The following CADM2 variants were observed in gnomAD, a reference collection of about 807,000 sequenced individuals.
CADM2 encodes cell adhesion molecule 2.
Under a neutral mutation model 49.8 loss-of-function variants are expected in CADM2, and 12 were observed. That is an observed-to-expected ratio of 0.24 (90% CI 0.15 to 0.39). The LOEUF (loss-of-function observed/expected upper bound fraction) is 0.39. Ranked by LOEUF, CADM2 falls within the 10% of genes least tolerant of loss-of-function variation. The pLI, the probability that CADM2 is intolerant of heterozygous loss-of-function variation, is 1.00. For synonymous variants in CADM2, 214 were observed against 175.4 expected (o/e 1.22, Z -1.74); for missense variants, 378 against 492.3 (o/e 0.77, Z 2.20).
intron 5 of CADM2, among the ~76,000 whole-genome samples, chr3:85,898,613 C>T (rs1314078977): frequency 2.0e-5 from 3 of 150,064 alleles, no homozygotes; most frequent in East Asian, 3.9e-4. Flanking sequence ...ATTTGAGACT[C>T]ATTCATGTTG....
intron 1 of CADM2, among the ~76,000 whole-genome samples, chr3:85,323,195 T>C (rs1249104664): frequency 6.6e-6 from 1 of 152,198 alleles, no homozygotes; most frequent in South Asian, 2.1e-4. Flanking sequence ...ATGCAATCTC[T>C]ACCTGGACTC....
chr3:85,266,065 G>A (rs2043115774), intron 1 of CADM2, among the ~76,000 whole-genome samples: 1 of 151,868 alleles, frequency 6.6e-6, no homozygotes, highest in Non-Finnish European at 1.5e-5. Flanking sequence ...TGGAAAAATA[G>A]TAAGCTGACT....
intron 5 of CADM2, among the ~76,000 whole-genome samples, chr3:85,900,002 T>C (rs1169984000): frequency 6.6e-6 from 1 of 152,160 alleles, no homozygotes; most frequent in African/African-American, 2.4e-5. Context: ...GGCTCCCAGC[T>C]TCATCACCTT....
At chr3:85,527,583 C>G (rs1457052310) in intron 1 of CADM2, among the ~76,000 whole-genome samples, 3 of 123,784 alleles carry the variant, frequency 2.4e-5, no homozygotes, top group Non-Finnish European at 5.6e-5. Flanking sequence ...TCTCAAAAGA[C>G]TCTTAGTTGT....
At chr3:85,427,313 G>A (rs2036459475) in intron 1 of CADM2, among the ~76,000 whole-genome samples, 2 of 151,400 alleles carry the variant, frequency 1.3e-5, no homozygotes, top group South Asian at 4.2e-4. Flanking sequence ...AAACTGGGTG[G>A]AATGTGGTAG....
intron 1 of CADM2, among the ~76,000 whole-genome samples, chr3:85,307,214 C>A (rs2044234850): frequency 6.6e-6 from 1 of 151,120 alleles, no homozygotes; most frequent in Non-Finnish European, 1.5e-5. Flanking sequence ...ATAATCAAAC[C>A]AGTATTTTTG....
intron 1 of CADM2, among the ~76,000 whole-genome samples, chr3:85,619,826 G>A (rs1021900594): frequency 1.3e-5 from 2 of 152,080 alleles, no homozygotes; most frequent in Non-Finnish European, 2.9e-5. Context: ...CTCAATGCAT[G>A]CCAGTGCATA....
chr3:85,322,904 C>T (rs770684662), intron 1 of CADM2, among the ~76,000 whole-genome samples: 6 of 152,214 alleles, frequency 3.9e-5, no homozygotes, highest in Admixed American at 6.5e-5. Context: ...AAACCACTTG[C>T]ATATCCAGAT....
chr3:85,912,257 A>G (rs1717714901), intron 5 of CADM2, 116 bp from the exon 6 acceptor site: 6 of 681,210 alleles, frequency 8.8e-6, no homozygotes, highest in Non-Finnish European at 1.4e-5. Context: ...AATCACAAAT[A>G]TTTGCTTCTT....
At chr3:85,840,113 T>A (rs1340319355) in intron 3 of CADM2, among the ~76,000 whole-genome samples, 1 of 151,896 alleles carries the variant, frequency 6.6e-6, no homozygotes, top group Non-Finnish European at 1.5e-5. Flanking sequence ...ACAGCCATGT[T>A]TTTTAGTTCA....
At chr3:85,861,183 G>C (rs1368812677) in intron 3 of CADM2, among the ~76,000 whole-genome samples, 2 of 152,170 alleles carry the variant, frequency 1.3e-5, no homozygotes, top group Non-Finnish European at 2.9e-5. Context: ...AGAAAGGTCA[G>C]TTAGGAGTCT....
At chr3:85,144,269 A>ACG (rs1488000254) in intron 1 of CADM2, among the ~76,000 whole-genome samples, 1 of 151,496 alleles carries the variant, frequency 6.6e-6, no homozygotes, top group Non-Finnish European at 1.5e-5. Context: ...ACACACACAC[A>ACG]CATGTGCACA....
At chr3:85,815,519 A>T (rs1013610058) in intron 3 of CADM2, among the ~76,000 whole-genome samples, 1 of 152,154 alleles carries the variant, frequency 6.6e-6, no homozygotes, top group Non-Finnish European at 1.5e-5. Flanking sequence ...AATAGATGCA[A>T]AAAAGGTCTT....
chr3:85,769,561 ATACACG>A lies in CADM2; in HGVS notation c.89-32483_89-32478del, dbSNP rs1409193896. 1.1e-4 allele frequency among the ~76,000 whole-genome samples: 9 copies of A among 79,360 alleles called. 2 individuals carry two copies. The highest frequency in any genetic ancestry group is 3.9e-4 in the African/African-American group (8 of 20,720). 52.1% of individuals were successfully genotyped at this position (79,360 alleles called of 152,430 possible). On this transcript the variant is annotated intron_variant, in intron 2 of 9. Coordinates refer to ENST00000383699, the MANE Select transcript of CADM2 (RefSeq NM_001167675.2). ...TACACGTATATACATATATGTATATATACACGTATATACATATATACATATATAGTA... is the reference window on the plus strand; with the variant it reads ...TACACGTATATACATATATGTATATATATATACATATATACATATATAGTA...
chr3:85,406,337 A>AT lies in CADM2; in HGVS notation c.62-320185_62-320184insT, dbSNP rs761520420. ...TTCACTGAGAAGATACTATATTTTT[A>AT]CACATCACAAATATTTTTTGAAAAA... On this transcript the variant is annotated intron_variant, in intron 1 of 9. Coordinates refer to ENST00000383699, the MANE Select transcript of CADM2 (RefSeq NM_001167675.2). Among the ~76,000 whole-genome samples, 563 of 152,296 alleles carry AT rather than the reference A, an allele frequency of 3.7e-3. 5 individuals are homozygous for AT. The Middle Eastern group carries it at 0.045, about 12-fold the overall frequency.
chr3:85,012,320 T>A (rs1220189045), intron 1 of CADM2, among the ~76,000 whole-genome samples: 1 of 128,262 alleles, frequency 7.8e-6, no homozygotes, highest in Non-Finnish European at 1.5e-5. Context: ...GCAAAATGCT[T>A]TTTTTTTTTT....
intron 1 of CADM2, among the ~76,000 whole-genome samples, chr3:85,525,004 C>A (rs959516308): frequency 3.3e-5 from 5 of 151,924 alleles, no homozygotes; most frequent in African/African-American, 9.7e-5. Context: ...CAGGGCCTGC[C>A]AGGTGGTAGG....
chr3:85,870,875 T>C (rs551306676), intron 3 of CADM2, among the ~76,000 whole-genome samples: 1 of 152,250 alleles, frequency 6.6e-6, no homozygotes, highest in African/African-American at 2.4e-5. Context: ...TCTTATACCA[T>C]ATACAAAAAA....
intron 1 of CADM2, among the ~76,000 whole-genome samples, chr3:85,626,326 T>C (rs951173563): frequency 7.2e-5 from 11 of 151,954 alleles, no homozygotes; most frequent in Admixed American, 4.6e-4. Context: ...CTGAAGTCCC[T>C]TCAGTAGCAG....
Sources: allele counts gnomAD v4.1 joint callset (sites outside exome capture counted in the v4.1 genomes callset), GRCh38; gene constraint gnomAD v4.1.1; transcripts MANE v1.5; gene names NCBI Gene and HGNC (gene_info 2026-07-23, HGNC 2026-07-21).